Variants in PTPRD observed in about 807,000 individuals in gnomAD.
PTPRD encodes the protein receptor-type tyrosine-protein phosphatase delta.
PTPRD carries 34 observed loss-of-function variants against 214.5 expected under a neutral mutation model. The ratio of observed to expected loss-of-function variants is 0.16; its 90% confidence interval spans 0.12 to 0.21. The LOEUF (loss-of-function observed/expected upper bound fraction) is 0.21, where lower values mean the gene tolerates loss of function less well. PTPRD is among the 10% of genes least tolerant of loss of function. PTPRD has a pLI of 1.00. For missense variants in PTPRD, 2,545 were observed against 2,398.7 expected (o/e 1.06, Z -1.27); for synonymous variants, 1,128 against 845.7 (o/e 1.33, Z -5.79).
chr9:9,172,917 G>A (rs560100719), intron 10 of PTPRD, among the ~76,000 whole-genome samples: 12 of 152,174 alleles, frequency 7.9e-5, no homozygotes, highest in Middle Eastern at 6.8e-3. Context: ...AGATTCGATC[G>A]TGTCCAAAAT....
At chr9:8,653,802 A>G (rs1284136293) in intron 12 of PTPRD, among the ~76,000 whole-genome samples, 2 of 152,200 alleles carry the variant, frequency 1.3e-5, no homozygotes, top group Non-Finnish European at 2.9e-5. Context: ...TATTCACTGT[A>G]TACGAATTTC....
At chr9:8,339,301 C>G (rs753674978) in intron 42 of PTPRD, among the ~76,000 whole-genome samples, 1 of 152,084 alleles carries the variant, frequency 6.6e-6, no homozygotes, top group Admixed American at 6.6e-5. Context: ...TTAATATACA[C>G]GAGTTGAATT....
chr9:10,297,959 C>G (rs190793555), intron 3 of PTPRD, among the ~76,000 whole-genome samples: 1 of 152,000 alleles, frequency 6.6e-6, no homozygotes, highest in Admixed American at 6.6e-5. Context: ...TAAAGCAACA[C>G]GTCTAAGGAA....
At chr9:9,252,431 C>T (rs1439726254) in intron 9 of PTPRD, among the ~76,000 whole-genome samples, 2 of 152,004 alleles carry the variant, frequency 1.3e-5, no homozygotes, top group African/African-American at 4.8e-5. Flanking sequence ...TTGTCTCCCC[C>T]ATACTTTCTT....
chr9:10,308,901 T>C (rs1475816198), intron 3 of PTPRD, among the ~76,000 whole-genome samples: 1 of 152,114 alleles, frequency 6.6e-6, no homozygotes, highest in Admixed American at 6.6e-5. Context: ...CTGTTTACTA[T>C]TATAAAAATG....
chr9:8,548,239 C>T (rs537144443), intron 14 of PTPRD, among the ~76,000 whole-genome samples: 2 of 152,050 alleles, frequency 1.3e-5, no homozygotes, highest in Admixed American at 6.6e-5. Context: ...CTTTTGTTTG[C>T]GGACAGGGGT....
At chr9:8,669,271 A>T (rs1174426082) in intron 12 of PTPRD, among the ~76,000 whole-genome samples, 1 of 152,028 alleles carries the variant, frequency 6.6e-6, no homozygotes, top group Non-Finnish European at 1.5e-5. Context: ...ATGGCATCTT[A>T]TCTGTTTTAC....
intron 3 of PTPRD, among the ~76,000 whole-genome samples, chr9:10,331,695 C>A (rs1013386165): frequency 4.0e-5 from 6 of 151,820 alleles, no homozygotes; most frequent in Non-Finnish European, 8.8e-5. Context: ...ACCAAAAAGA[C>A]TCCCAACCTA....
At chr9:8,759,140 C>T (rs1318258441) in intron 11 of PTPRD, among the ~76,000 whole-genome samples, 3 of 152,126 alleles carry the variant, frequency 2.0e-5, no homozygotes, top group Non-Finnish European at 4.4e-5. Flanking sequence ...AAGCGATCCT[C>T]CTGCCTCTGC....
intron 10 of PTPRD, among the ~76,000 whole-genome samples, chr9:9,064,236 T>C (rs1050719413): frequency 6.6e-6 from 1 of 152,176 alleles, no homozygotes; most frequent in Non-Finnish European, 1.5e-5. Flanking sequence ...CTATTTATTG[T>C]GTGTGTCTAT....
rs144294971 is a variant in PTPRD at position 9,327,614 on chromosome 9, T to C, written c.-203+69835A>G. 3.7e-3 allele frequency among the ~76,000 whole-genome samples: 569 copies of C among 152,274 alleles called. 6 individuals are homozygous for C. The highest frequency in any genetic ancestry group is 0.013 in the African/African-American group (543 of 41,568). The stretch of plus-strand genomic sequence containing the variant: ...GTATTCACTGAAATTTTGTTTCTAT[T>C]GCAAGAGGTTTATTCTAGGACAAGG... On this transcript the variant is annotated intron_variant, in intron 9 of 45. Coordinates refer to ENST00000381196, the MANE Select transcript of PTPRD (RefSeq NM_002839.4).
chr9:9,237,072 G>T (rs974685972), intron 9 of PTPRD, among the ~76,000 whole-genome samples: 2 of 152,116 alleles, frequency 1.3e-5, no homozygotes, highest in African/African-American at 4.8e-5. Context: ...TGTATACTCA[G>T]AAGGAAAAAG....
rs537451816 is a variant in PTPRD, at chr9:9,635,696, G to C, written c.-286-60915C>G. 1.6e-4 allele frequency among the ~76,000 whole-genome samples: 24 copies of C among 152,200 alleles called. No homozygotes were observed. In the South Asian group the frequency reaches 4.8e-3, roughly 30 times the overall value. ...AGTCTCAACATGGTTCATTTCCCTG[G>C]ACTACCAGTTACTTCAGCGAGCCTG... On this transcript the variant is annotated intron_variant, in intron 7 of 45. Coordinates refer to ENST00000381196, the MANE Select transcript of PTPRD (RefSeq NM_002839.4).
intron 7 of PTPRD, among the ~76,000 whole-genome samples, chr9:9,604,081 CTAAAA>C (rs1359638242): frequency 2.0e-5 from 3 of 151,806 alleles, no homozygotes; most frequent in African/African-American, 7.3e-5. Context: ...GCTTTTATTA[CTAAAA>C]TTTCTTTTTT....
intron 2 of PTPRD, among the ~76,000 whole-genome samples, chr9:10,574,765 A>ATG (rs34013585): frequency 0.18 from 26,859 of 148,446 alleles, 2,731 homozygotes; most frequent in South Asian, 0.25. Flanking sequence ...TCAAATATAT[A>ATG]TGTGTGTGTG....
At chr9:8,520,226 T>A (rs1277976622) in intron 20 of PTPRD, among the ~76,000 whole-genome samples, 1 of 152,198 alleles carries the variant, frequency 6.6e-6, no homozygotes, top group African/African-American at 2.4e-5. Context: ...AATGTACGGA[T>A]AAATACATGT....
At chr9:10,465,782 A>G (rs2098989412) in intron 2 of PTPRD, among the ~76,000 whole-genome samples, 3 of 152,204 alleles carry the variant, frequency 2.0e-5, no homozygotes, top group Admixed American at 2.0e-4. Context: ...GTGTAAGCAC[A>G]TTCTCAATTT....
intron 8 of PTPRD, among the ~76,000 whole-genome samples, chr9:9,530,138 A>T (rs538866786): frequency 6.6e-6 from 1 of 152,252 alleles, no homozygotes; most frequent in East Asian, 1.9e-4. Context: ...GGCAGAAGGA[A>T]AGAAATGATA....
At chr9:8,691,654 G>A (rs556989855) in intron 12 of PTPRD, among the ~76,000 whole-genome samples, 3 of 152,248 alleles carry the variant, frequency 2.0e-5, no homozygotes, top group African/African-American at 7.2e-5. Flanking sequence ...ATCCTTTGAG[G>A]TTGTAAAATA....
Sources: gnomAD v4.1 joint callset for allele counts (sites outside exome capture counted in the v4.1 genomes callset) on GRCh38, gnomAD v4.1.1 for gene constraint, MANE v1.5 for transcripts, NCBI Gene and HGNC (gene_info 2026-07-23, HGNC 2026-07-21) for gene names.